Variants in HTT observed in about 807,000 individuals in gnomAD.
HTT encodes huntingtin, also known as huntington disease protein.
A neutral mutation model predicts 362.3 loss-of-function variants in HTT; 104 were observed. The ratio of observed to expected loss-of-function variants is 0.29; its 90% confidence interval spans 0.24 to 0.34. The LOEUF (loss-of-function observed/expected upper bound fraction) is 0.34, where lower values mean the gene tolerates loss of function less well. Ranked by LOEUF, HTT falls within the 10% of genes least tolerant of loss-of-function variation. The pLI, the probability that HTT is intolerant of heterozygous loss-of-function variation, is 1.00. For synonymous variants in HTT, 1,577 were observed against 1,548.7 expected, an observed-to-expected ratio of 1.02 and a Z score of -0.43; for missense variants, 3,301 against 3,928.6, an observed-to-expected ratio of 0.84 and a Z score of 4.27.
chr4:3,153,737 C>G (rs1717011179), intron 26 of HTT, among the ~76,000 whole-genome samples: 1 of 151,992 alleles, frequency 6.6e-6, no homozygotes, highest in Non-Finnish European at 1.5e-5. Flanking sequence ...GCCTGGGCAT[C>G]ATAGTGTGAG....
intron 27 of HTT, 57 bp downstream of exon 27, chr4:3,154,476 C>T: frequency 1.9e-6 from 3 of 1,582,794 alleles, no homozygotes; most frequent in Non-Finnish European, 2.6e-6. Flanking sequence ...CATGTAGAAA[C>T]ATAGGATTTA....
intron 39 of HTT, 71 bp from the exon 40 acceptor site, chr4:3,188,880 T>C: frequency 2.2e-6 from 3 of 1,380,192 alleles, no homozygotes; most frequent in Non-Finnish European, 3.0e-6. Flanking sequence ...ATATATCTTT[T>C]CATGTATACT....
chr4:3,191,519 T>A (rs1375183535), intron 40 of HTT, among the ~76,000 whole-genome samples: 2 of 152,180 alleles, frequency 1.3e-5, no homozygotes, highest in East Asian at 3.8e-4. Flanking sequence ...ACTGAAGACT[T>A]ACTGACTTAA....
chr4:3,111,138 C>T (rs2110167343), intron 6 of HTT, among the ~76,000 whole-genome samples: 1 of 152,172 alleles, frequency 6.6e-6, no homozygotes, highest in South Asian at 2.1e-4. Flanking sequence ...CTGCCTCACC[C>T]TCCCAAGTAG....
At chr4:3,151,892 C>G (rs1260623208) in intron 26 of HTT, among the ~76,000 whole-genome samples, 2 of 152,160 alleles carry the variant, frequency 1.3e-5, no homozygotes, top group East Asian at 3.8e-4. Flanking sequence ...GATTACTGCA[C>G]TAGCCTTTTG....
intron 26 of HTT, among the ~76,000 whole-genome samples, chr4:3,151,285 C>G (rs1386416083): frequency 6.6e-6 from 1 of 152,000 alleles, no homozygotes; most frequent in Non-Finnish European, 1.5e-5. Flanking sequence ...AGGAAACTTG[C>G]AGTCATGGCA....
chr4:3,099,498 C>G, intron 3 of HTT, 104 bp downstream of exon 3: 1 of 1,511,904 alleles, frequency 6.6e-7, no homozygotes, highest in Non-Finnish European at 9.0e-7. Context: ...CTGAGGATGT[C>G]TGCACTTTTT....
intron 56 of HTT, among the ~76,000 whole-genome samples, chr4:3,225,348 C>T (rs947146119): frequency 6.6e-6 from 1 of 152,222 alleles, no homozygotes; most frequent in African/African-American, 2.4e-5. Context: ...TTTTGCAGCT[C>T]AGCCCACAAC....
chr4:3,221,833 A>G (rs1578602608), intron 53 of HTT, among the ~76,000 whole-genome samples: 1 of 152,228 alleles, frequency 6.6e-6, no homozygotes, highest in East Asian at 1.9e-4. Context: ...TTTTTAATCT[A>G]TTCTTCTAGA....
chr4:3,094,248 T>C (rs1360794709), intron 2 of HTT, among the ~76,000 whole-genome samples: 1 of 152,054 alleles, frequency 6.6e-6, no homozygotes, highest in Non-Finnish European at 1.5e-5. Context: ...GGTTATAGAT[T>C]AACAGCATCC....
chr4:3,209,941 A>G lies in HTT; in HGVS notation c.6406A>G (p.Met2136Val). 6.2e-7 allele frequency: 1 copy of G among 1,613,886 alleles called. No individual in the cohort carries two copies. Among genetic ancestry groups the G allele is most frequent in the Non-Finnish European group, 8.5e-7 (1 of 1,179,866 alleles). ...TGCTGAAGATATGAATGCCTTCATGATGAACTCGGTACGGGGGGAGCAGTG... is the reference window on the plus strand; with the variant it reads ...TGCTGAAGATATGAATGCCTTCATGGTGAACTCGGTACGGGGGGAGCAGTG... ...IPAEDMNAFMMNSEFNLSLLA... is the reference protein window; with the variant it reads ...IPAEDMNAFMVNSEFNLSLLA... Residue 2136 changes from methionine to valine, a missense_variant, in exon 47 of 67, where the codon ATG (methionine) becomes GTG (valine). Met to Val is a conservative substitution (Grantham distance 21). Coordinates refer to ENST00000355072, the MANE Select transcript of HTT (RefSeq NM_001388492.1).
intron 40 of HTT, among the ~76,000 whole-genome samples, chr4:3,191,171 C>G (rs1171321486): frequency 1.3e-5 from 2 of 151,252 alleles, no homozygotes; most frequent in Non-Finnish European, 3.0e-5. Flanking sequence ...TTCTTTCTTT[C>G]TTTCTTTCTT....
intron 62 of HTT, 65 bp from the exon 63 acceptor site, chr4:3,235,500 A>T: frequency 6.4e-7 from 1 of 1,552,254 alleles, no homozygotes; most frequent in South Asian, 1.1e-5. Flanking sequence ...CTTGGTCGGG[A>T]GGAGGCATGA....
chr4:3,196,133 G>A (rs994871169), intron 40 of HTT, among the ~76,000 whole-genome samples: 4 of 152,190 alleles, frequency 2.6e-5, no homozygotes, highest in Non-Finnish European at 5.9e-5. Context: ...GAGCTGCAGC[G>A]AGTGCCATGC....
chr4:3,187,631 A>G lies in HTT; in HGVS notation c.4990-20A>G. 2.6e-6 allele frequency: 4 copies of G among 1,559,404 alleles called. No individual in the cohort carries two copies. The highest frequency in any genetic ancestry group is 3.5e-6 in the Non-Finnish European group (4 of 1,132,818). The stretch of plus-strand genomic sequence containing the variant: ...TTCCTTTTTTCTTCAGCTGTGACTT[A>G]TGTATTATGTTTATTTTAGGCGTCC... On this transcript the variant is annotated intron_variant, in intron 38 of 66. Transcript: ENST00000355072.
At chr4:3,225,359 C>T (rs1187329128) in intron 56 of HTT, among the ~76,000 whole-genome samples, 1 of 152,222 alleles carries the variant, frequency 6.6e-6, no homozygotes, top group Non-Finnish European at 1.5e-5. Flanking sequence ...AGCCCACAAC[C>T]AGTTCCTATT....
Position 3,127,429 on chromosome 4 carries a change from A to G in HTT, c.1568A>G (p.Asp523Gly), listed in dbSNP as rs1264388810. The G allele has an allele frequency of 1.9e-6, 3 of 1,614,002 alleles. No individual in the cohort carries two copies. Among genetic ancestry groups the G allele is most frequent in the Admixed American group, 1.7e-5 (1 of 60,004 alleles). Residue 523 changes from aspartate to glycine, a missense_variant, in exon 12 of 67, where the codon GAT becomes GGT. Coordinates refer to ENST00000355072, the MANE Select transcript of HTT (RefSeq NM_001388492.1). ...TGTGACTTGACAAGCTCTGCCACTG[A>G]TGGGGATGAGGAGGATATCTTGAGC... ...ASCDLTSSAT[D>G]GDEEDILSHS...
chr4:3,209,261 A>G (rs1720020942), intron 46 of HTT, among the ~76,000 whole-genome samples: 1 of 152,138 alleles, frequency 6.6e-6, no homozygotes, highest in African/African-American at 2.4e-5. Context: ...TGTGAGTTGC[A>G]CTGCCACTGC....
At chr4:3,125,499 A>G (rs759906824) in intron 10 of HTT, 50 bp from the exon 11 acceptor site, 2 of 1,188,420 alleles carry the variant, frequency 1.7e-6, no homozygotes, top group Non-Finnish European at 2.5e-6. Flanking sequence ...TTAATTTTGA[A>G]GTCCTTATTT....
Sources: allele counts gnomAD v4.1 joint callset (sites outside exome capture counted in the v4.1 genomes callset), GRCh38; gene constraint gnomAD v4.1.1; transcripts MANE v1.5; gene names NCBI Gene and HGNC (gene_info 2026-07-23, HGNC 2026-07-21).